The following NKAIN2 variants were observed in gnomAD, a reference collection of about 807,000 sequenced individuals.
The protein encoded by NKAIN2 is sodium/potassium-transporting ATPase subunit beta-1-interacting protein 2.
In NKAIN2, 14 loss-of-function variants were observed where a neutral mutation model predicts 32.6. The ratio of observed to expected loss-of-function variants is 0.43; its 90% CI spans 0.28 to 0.67. The LOEUF (loss-of-function observed/expected upper bound fraction) is 0.67, where lower values mean the gene tolerates loss of function less well. NKAIN2 is among the 30% of genes least tolerant of loss of function. The pLI, the probability that NKAIN2 is intolerant of heterozygous loss-of-function variation, is 0.17. For synonymous variants in NKAIN2, 80 were observed against 87.2 expected (o/e 0.92, Z 0.46); for missense variants, 198 against 258.3 (o/e 0.77, Z 1.60).
intron 1 of NKAIN2, among the ~76,000 whole-genome samples, chr6:124,029,058 G>A (rs932452674): frequency 4.6e-5 from 7 of 150,896 alleles, no homozygotes; most frequent in Non-Finnish European, 8.9e-5. Flanking sequence ...TTTTTTTATA[G>A]TTTGATACTG....
chr6:124,746,354 G>GGAAAA (rs1777451540), intron 4 of NKAIN2, among the ~76,000 whole-genome samples: 1 of 151,482 alleles, frequency 6.6e-6, no homozygotes, highest in South Asian at 2.1e-4. Context: ...TGGAAAAACA[G>GGAAAA]ACAAAAGAAA....
At chr6:124,682,185 G>A (rs1773656506) in intron 4 of NKAIN2, among the ~76,000 whole-genome samples, 1 of 151,830 alleles carries the variant, frequency 6.6e-6, no homozygotes, top group South Asian at 2.1e-4. Context: ...ATGAAATGGT[G>A]AACAGATTTA....
chr6:123,804,566 T>C (rs1326272627), intron 1 of NKAIN2, among the ~76,000 whole-genome samples: 1 of 152,214 alleles, frequency 6.6e-6, no homozygotes, highest in Non-Finnish European at 1.5e-5. Context: ...CCTATTCATG[T>C]AACAACGTGA....
At chr6:124,536,868 A>G (rs1195583723) in intron 3 of NKAIN2, among the ~76,000 whole-genome samples, 2 of 152,244 alleles carry the variant, frequency 1.3e-5, no homozygotes, top group Non-Finnish European at 2.9e-5. Flanking sequence ...CAAAAAGCAA[A>G]TAAGCATGAC....
intron 1 of NKAIN2, among the ~76,000 whole-genome samples, chr6:124,018,116 C>T (rs1780676984): frequency 6.6e-6 from 1 of 152,210 alleles, no homozygotes; most frequent in Non-Finnish European, 1.5e-5. Context: ...ACAGGCTCAA[C>T]ATCACATGGA....
intron 3 of NKAIN2, among the ~76,000 whole-genome samples, chr6:124,460,737 T>C (rs1776499524): frequency 6.6e-6 from 1 of 151,738 alleles, no homozygotes; most frequent in Non-Finnish European, 1.5e-5. Context: ...GGCTTACTAC[T>C]TGAACTTGAA....
chr6:124,718,545 G>A (rs566045815), intron 4 of NKAIN2, among the ~76,000 whole-genome samples: 2 of 152,194 alleles, frequency 1.3e-5, no homozygotes, highest in Admixed American at 6.5e-5. Flanking sequence ...GAACATTTGT[G>A]TACAACTTTT....
chr6:124,491,163 A>G (rs921186727), intron 3 of NKAIN2, among the ~76,000 whole-genome samples: 5 of 151,870 alleles, frequency 3.3e-5, no homozygotes, highest in Non-Finnish European at 7.4e-5. Context: ...CACATGTGCC[A>G]TCTATTCATT....
At chr6:124,536,259 A>T (rs902461115) in intron 3 of NKAIN2, among the ~76,000 whole-genome samples, 8 of 152,174 alleles carry the variant, frequency 5.3e-5, no homozygotes, top group African/African-American at 1.9e-4. Flanking sequence ...AGCTCTTTGC[A>T]ACTGAGTCTT....
intron 2 of NKAIN2, among the ~76,000 whole-genome samples, chr6:124,285,810 T>C (rs933639443): frequency 2.6e-5 from 4 of 152,190 alleles, no homozygotes; most frequent in Admixed American, 2.0e-4. Flanking sequence ...GATAAACAGT[T>C]GATTAACACA....
At chr6:124,151,168 G>A (rs1042244659) in intron 1 of NKAIN2, among the ~76,000 whole-genome samples, 7 of 151,370 alleles carry the variant, frequency 4.6e-5, no homozygotes, top group African/African-American at 1.7e-4. Flanking sequence ...TGGGAGCAAA[G>A]GGAAGAAAAC....
intron 2 of NKAIN2, among the ~76,000 whole-genome samples, chr6:124,326,813 A>C (rs1797437364): frequency 6.6e-6 from 1 of 152,132 alleles, no homozygotes. Context: ...TTTGTTTCTT[A>C]ACTTGAGTAA....
At chr6:124,061,211 G>A (rs570136595) in intron 1 of NKAIN2, among the ~76,000 whole-genome samples, 18 of 152,250 alleles carry the variant, frequency 1.2e-4, no homozygotes, top group African/African-American at 4.1e-4. Flanking sequence ...GCATCTTGAA[G>A]ATAAATAGGA....
intron 1 of NKAIN2, among the ~76,000 whole-genome samples, chr6:123,951,165 G>A (rs917832039): frequency 1.2e-4 from 18 of 151,934 alleles, no homozygotes; most frequent in Non-Finnish European, 2.2e-4. Context: ...GTTAAGAATT[G>A]TTCTGTGGCT....
At chr6:124,473,782 A>C (rs968126079) in intron 3 of NKAIN2, among the ~76,000 whole-genome samples, 4 of 152,160 alleles carry the variant, frequency 2.6e-5, no homozygotes, top group African/African-American at 9.7e-5. Flanking sequence ...TCTCACATAC[A>C]ATAATTCATC....
At chr6:124,596,433 G>A (rs1782089070) in intron 3 of NKAIN2, among the ~76,000 whole-genome samples, 1 of 152,168 alleles carries the variant, frequency 6.6e-6, no homozygotes, top group Admixed American at 6.5e-5. Context: ...GGGTCAGAAG[G>A]GACCGCCTGT....
chr6:124,498,960 G>T (rs962181531), intron 3 of NKAIN2, among the ~76,000 whole-genome samples: 1 of 152,090 alleles, frequency 6.6e-6, no homozygotes, highest in South Asian at 2.1e-4. Context: ...TAGAGATGGG[G>T]TTTTGCTGTG....
At chr6:123,877,959 G>A (rs1294214297) in intron 1 of NKAIN2, among the ~76,000 whole-genome samples, 1 of 152,160 alleles carries the variant, frequency 6.6e-6, no homozygotes, top group Non-Finnish European at 1.5e-5. Flanking sequence ...GGGTGTGGTG[G>A]CCTACGCCTG....
intron 2 of NKAIN2, among the ~76,000 whole-genome samples, chr6:124,313,969 G>C (rs1405136775): frequency 6.6e-6 from 1 of 152,064 alleles, no homozygotes; most frequent in Non-Finnish European, 1.5e-5. Flanking sequence ...CTCTGCAAGG[G>C]ATTCTCTTGA....
Sources: allele counts gnomAD v4.1 joint callset (sites outside exome capture counted in the v4.1 genomes callset), GRCh38; gene constraint gnomAD v4.1.1; transcripts MANE v1.5; gene names NCBI Gene and HGNC (gene_info 2026-07-23, HGNC 2026-07-21).